The following SMC2 variants were observed in gnomAD, a reference collection of about 807,000 sequenced individuals.
SMC2 encodes structural maintenance of chromosomes 2, also known as structural maintenance of chromosomes protein 2.
SMC2 carries 41 observed loss-of-function variants against 142.6 expected under a neutral mutation model. The observed-to-expected ratio is 0.29, with a 90% CI of 0.22 to 0.37. SMC2 has a LOEUF of 0.37. SMC2 is among the 10% of genes least tolerant of loss of function. The pLI is 1.00. For synonymous variants in SMC2, 463 were observed against 457.5 expected, an observed-to-expected ratio of 1.01 and a Z score of -0.15; for missense variants, 1,265 against 1,373.7, an observed-to-expected ratio of 0.92 and a Z score of 1.25.
At chr9:104,131,138 C>T (rs1834914773) in intron 21 of SMC2, among the ~76,000 whole-genome samples, 2 of 152,002 alleles carry the variant, frequency 1.3e-5, no homozygotes, top group Admixed American at 1.3e-4. Flanking sequence ...TTAGGAAGTC[C>T]CATTGCTGTT....
chr9:104,093,838 A>G (rs1830159524), upstream of SMC2, among the ~76,000 whole-genome samples: 3 of 150,036 alleles, frequency 2.0e-5, no homozygotes, highest in Admixed American at 2.0e-4. Context: ...TACAGCTTTT[A>G]TTTTGCAGCA....
At chr9:104,095,627 G>A (rs3739736) in intron 2 of SMC2, 75 bp downstream of exon 2, 606,874 of 1,120,892 alleles carry the variant, frequency 0.54, 170,320 homozygotes, top group African/African-American at 0.69. Flanking sequence ...GAGACGTCCC[G>A]ATATTCTCTT....
At chr9:104,100,308 A>G (rs1830961633) in intron 6 of SMC2, 81 bp from the exon 7 acceptor site, 11 of 1,394,652 alleles carry the variant, frequency 7.9e-6, no homozygotes, top group African/African-American at 7.3e-5. Flanking sequence ...AGTTTTCCAT[A>G]GTCATCCCTG....
chr9:104,129,115 G>C (rs1015062664), intron 20 of SMC2, among the ~76,000 whole-genome samples: 1 of 152,084 alleles, frequency 6.6e-6, no homozygotes, highest in African/African-American at 2.4e-5. Flanking sequence ...CAAAGTAATA[G>C]GAAGATCTTT....
In SMC2 at chr9:104,101,835, A is replaced by G. The variant is rs1159678805; in HGVS notation, c.637-125A>G. On this transcript the variant is annotated intron_variant, in intron 7 of 24. Coordinates refer to ENST00000374793, the MANE Select transcript of SMC2 (RefSeq NM_006444.3). ...TACGTAAAGTTTCCTACAATTTAAA[A>G]TGCTATAATTGTTTAATACAGGACA... 1.4e-5 allele frequency: 8 copies of G among 585,112 alleles called. No individual in the cohort carries two copies. The African/African-American group carries it at 1.5e-4, about 11-fold the overall frequency. The allele number at this position is 585,112 out of a possible 1,614,324, so 36.2% of individuals were successfully genotyped here.
In SMC2 at chr9:104,111,756, C is replaced by G. The variant is rs748641374; in HGVS notation, c.1196C>G (p.Ala399Gly). The G allele has an allele frequency of 1.2e-6, 2 of 1,613,988 alleles. No homozygotes were observed. Among genetic ancestry groups the G allele is most frequent in the Non-Finnish European group, 8.5e-7 (1 of 1,179,924 alleles). The change falls in exon 10 of 25, where the codon GCT becomes GGT. Residue 399 changes from alanine to glycine, a missense_variant. Physicochemically the swap from Ala to Gly is moderately conservative, Grantham distance 60 (BLOSUM62 0). This residue lies in a region of SMC2 where 898 missense variants were observed against 904.2 expected (regional missense o/e 0.99). Transcript: ENST00000374793. ...SNEDGAEATL[A>G]GQMMACKNDI... The stretch of plus-strand genomic sequence containing the variant: ...GAAGATGGAGCAGAAGCAACTCTTG[C>G]TGGTCAAATGATGGCCTGTAAAAAT...
At position 104,099,584 on chromosome 9, in the gene SMC2, A is replaced by C. The variant is rs1251161434; in HGVS notation, c.442-60A>C. ...TTCAGTCTAGATAAACATGAATGGCAGTACAGATAAACATTTTCTGTAATT... is the reference window on the plus strand; with the variant it reads ...TTCAGTCTAGATAAACATGAATGGCCGTACAGATAAACATTTTCTGTAATT... On this transcript the variant is annotated intron_variant, in intron 4 of 24. Coordinates refer to ENST00000374793, the MANE Select transcript of SMC2 (RefSeq NM_006444.3). 19 of 1,024,128 alleles carry C rather than the reference A, an allele frequency of 1.9e-5. No individual in the cohort carries two copies. The East Asian group carries it at 4.3e-4, about 23-fold the overall frequency. The allele number at this position is 1,024,128 out of a possible 1,614,324, so 63.4% of individuals were successfully genotyped here. A position where few individuals can be genotyped will look rare whatever the true frequency, so the allele number is the denominator to read the frequency against.
chr9:104,107,156 C>CT (rs1305263371), intron 9 of SMC2, among the ~76,000 whole-genome samples: 3 of 152,150 alleles, frequency 2.0e-5, no homozygotes, highest in Non-Finnish European at 2.9e-5. Flanking sequence ...TAATCAAGCT[C>CT]TTTTGAGCCT....
intron 20 of SMC2, among the ~76,000 whole-genome samples, chr9:104,127,778 A>G (rs1208288258): frequency 6.6e-6 from 1 of 152,206 alleles, no homozygotes; most frequent in Non-Finnish European, 1.5e-5. Context: ...TGTTGATAGA[A>G]CTAATTACTG....
At chr9:104,114,906 C>T in intron 13 of SMC2, 77 bp downstream of exon 13, 1 of 1,257,668 alleles carries the variant, frequency 8.0e-7, no homozygotes, top group Non-Finnish European at 1.1e-6. Context: ...GAATTAAATA[C>T]TTTGATGTTT....
chr9:104,126,712 A>C lies in SMC2; in HGVS notation c.2523A>C (p.Glu841Asp), dbSNP rs1201086379. 1.9e-6 allele frequency: 3 copies of C among 1,613,090 alleles called. No individual in the cohort carries two copies. Among genetic ancestry groups the C allele is most frequent in the Non-Finnish European group, 2.5e-6 (3 of 1,179,584 alleles). ...REHTSYKQQLEAVNEAIKSYE... is the reference protein window; with the variant it reads ...REHTSYKQQLDAVNEAIKSYE... ...ATACATCTTACAAACAACAGCTTGA[A>C]GCTGTAAATGAAGCTATCAAATCCT... Residue 841 changes from glutamate (E) to aspartate (D), a missense_variant, in exon 19 of 25, where the codon GAA (glutamate) becomes GAC (aspartate). By Grantham distance (45) the Glu-to-Asp change is conservative. Transcript: ENST00000374793.
Position 104,141,013 on chromosome 9 carries a change from T to A in SMC2, c.*1698T>A, listed in dbSNP as rs563632689. On this transcript the variant is annotated 3_prime_UTR_variant, in exon 25 of 25. Coordinates refer to ENST00000374793, the MANE Select transcript of SMC2 (RefSeq NM_006444.3). The stretch of plus-strand genomic sequence containing the variant: ...TGATTTTTGTCTTGTATAATCTTGA[T>A]CTTTGAAAACCCTCAAACATGTATT... 6.6e-6 allele frequency: 1 copy of A among 152,348 alleles called. No individual in the cohort carries two copies. The highest frequency in any genetic ancestry group is 1.9e-4 in the East Asian group (1 of 5,186). The allele number at this position is 152,348 out of a possible 1,614,324, so 9.4% of individuals were successfully genotyped here. A position where few individuals can be genotyped will look rare whatever the true frequency, so the allele number is the denominator to read the frequency against.
chr9:104,134,611 C>A, intron 23 of SMC2, 36 bp downstream of exon 23: 1 of 709,904 alleles, frequency 1.4e-6, no homozygotes, highest in Non-Finnish European at 2.1e-6. Context: ...AATTTTCATT[C>A]CTCTTTATTA....
At chr9:104,134,727 G>T in intron 23 of SMC2, 152 bp downstream of exon 23, 1 of 462,486 alleles carries the variant, frequency 2.2e-6, no homozygotes. Flanking sequence ...TAAAACATTT[G>T]ATTAAAATAG....
intron 9 of SMC2, among the ~76,000 whole-genome samples, chr9:104,104,831 A>C (rs1831566127): frequency 6.6e-6 from 1 of 152,210 alleles, no homozygotes; most frequent in South Asian, 2.1e-4. Context: ...TCTCATTGCA[A>C]TATTGTTGAG....
rs1219670124 is a variant in SMC2 at position 104,129,692 on chromosome 9, C to T, written c.2838C>T (p.His946=). 6.2e-7 allele frequency: 1 copy of T among 1,613,876 alleles called. No homozygotes were observed. Among genetic ancestry groups the T allele is most frequent in the Non-Finnish European group, 8.5e-7 (1 of 1,179,966 alleles). Residue 946 remains histidine (H), a synonymous_variant, in exon 21 of 25, where the codon CAC becomes CAT. Transcript: ENST00000374793. Reference sequence around the variant, plus strand: ...ATGACTGGATTAATGCAGAGAGACACCTCTTTGGCCAACCCAATAGTGCCT... The same window carrying T: ...ATGACTGGATTAATGCAGAGAGACATCTCTTTGGCCAACCCAATAGTGCCT... ...KDYDWINAER[H]LFGQPNSAYD...
intron 10 of SMC2, 86 bp downstream of exon 10, chr9:104,111,900 G>C (rs1832493938): frequency 3.1e-6 from 3 of 956,802 alleles, no homozygotes; most frequent in Non-Finnish European, 4.6e-6. Context: ...GTTACATAAT[G>C]TTGAAAATAA....
At chr9:104,115,598 A>G (rs1049767622) in intron 13 of SMC2, among the ~76,000 whole-genome samples, 1 of 152,082 alleles carries the variant, frequency 6.6e-6, no homozygotes, top group Non-Finnish European at 1.5e-5. Flanking sequence ...AAAAAAAAGA[A>G]AAAAACAAAC....
At chr9:104,099,512 A>G (rs778473888) in intron 4 of SMC2, 132 bp from the exon 5 acceptor site, 1 of 599,892 alleles carries the variant, frequency 1.7e-6, no homozygotes, top group South Asian at 2.1e-5. Flanking sequence ...TAGAAGAATT[A>G]TAGAGGAAAG....
Sources: gnomAD v4.1 joint callset for allele counts (sites outside exome capture counted in the v4.1 genomes callset) on GRCh38, gnomAD v4.1.1 for gene constraint, gnomAD v4.1.1 regional missense constraint, MANE v1.5 for transcripts, NCBI Gene and HGNC (gene_info 2026-07-23, HGNC 2026-07-21) for gene names.